The following MBP variants were observed in gnomAD, a reference collection of about 807,000 sequenced individuals.
MBP encodes Golli-MBP.
In MBP, 16 loss-of-function variants were observed where a neutral mutation model predicts 35.8. That is an observed-to-expected ratio of 0.45 (90% confidence interval 0.30 to 0.68). MBP has a LOEUF of 0.68. Ranked by LOEUF, MBP falls within the 30% of genes least tolerant of loss-of-function variation. The pLI is 0.08. For synonymous variants in MBP, 143 were observed against 159.6 expected (o/e 0.90, Z 0.78); for missense variants, 380 against 404.7 (o/e 0.94, Z 0.52).
At position 76,988,886 on chromosome 18, in the gene MBP, C is replaced by G. The variant is rs751411918; in HGVS notation, c.708G>C (p.Ser236=). 6.2e-7 allele frequency: 1 copy of G among 1,613,698 alleles called. No homozygotes were observed. The highest frequency in any genetic ancestry group is 8.5e-7 in the Non-Finnish European group (1 of 1,179,768). The change falls in exon 6 of 9, where the codon TCG becomes TCC. Residue 236 remains serine (S), a synonymous_variant. Coordinates refer to ENST00000355994, the MANE Select transcript of MBP (RefSeq NM_001025101.2). The surrounding 1 kb of genome is among the most constrained non-coding windows in gnomAD (Gnocchi z 5.2). ...NIVTPRTPPP[S]QGKGRGLSLS... is the part of the protein sequence containing the mutation. ...CATTCCAAGGTCTTACCTTTCCCTG[C>G]GACGGGGGTGGTGTGCGAGGCGTCA...
chr18:77,058,564 C>T (rs894196449), intron 3 of MBP, among the ~76,000 whole-genome samples: 2 of 152,240 alleles, frequency 1.3e-5, no homozygotes, highest in Non-Finnish European at 2.9e-5. Context: ...CCCGCCCCCG[C>T]GTGCAGAATC....
At chr18:77,090,463 A>G (rs777426995) in intron 2 of MBP, among the ~76,000 whole-genome samples, 12 of 152,000 alleles carry the variant, frequency 7.9e-5, no homozygotes, top group Non-Finnish European at 1.8e-4. Flanking sequence ...TTCCATACAC[A>G]CCAATCCAAT....
rs772448729 is a variant in MBP, at chr18:77,036,922, A to AG, written c.140-19655dup. 1.4e-3 allele frequency among the ~76,000 whole-genome samples: 83 copies of AG among 59,926 alleles called. 15 individuals are homozygous for AG. The highest frequency in any genetic ancestry group is 6.3e-3 in the East Asian group (6 of 946). The allele number at this position is 59,926 out of a possible 152,430, so 39.3% of individuals were successfully genotyped here. On this transcript the variant is annotated intron_variant, in intron 3 of 8. Transcript: ENST00000355994. ...TGAGCAAGTGCTGGTCACATTTTGG[A>AG]GACTGAGCTGAGCAAGTGCTGGTCA...
At chr18:77,023,799 C>T (rs796241356) in intron 3 of MBP, among the ~76,000 whole-genome samples, 44 of 152,312 alleles carry the variant, frequency 2.9e-4, no homozygotes, top group African/African-American at 9.4e-4. Context: ...TCTCCGAGTG[C>T]GTCTTACCCT....
rs574621670 is a variant in MBP, at chr18:77,049,215, G to A, written c.139+17083C>T. Among the ~76,000 whole-genome samples, 7 of 148,894 alleles carry A rather than the reference G, an allele frequency of 4.7e-5. No individual in the cohort carries two copies. The South Asian group carries it at 1.1e-3, about 23-fold the overall frequency. On this transcript the variant is annotated intron_variant, in intron 3 of 8. Transcript: ENST00000355994. ...ATTACAGGTGTGAGCCACCGCACCC[G>A]GCCGAGGGCAGGGTTTTTAATCTGT...
intron 4 of MBP, among the ~76,000 whole-genome samples, chr18:76,991,192 A>G (rs998538965): frequency 2.5e-4 from 37 of 148,126 alleles, no homozygotes; most frequent in African/African-American, 9.2e-4. Flanking sequence ...CTGATTTGGG[A>G]ATATCACTTC....
At chr18:77,092,912 T>A (rs1975595437) in intron 2 of MBP, among the ~76,000 whole-genome samples, 1 of 152,202 alleles carries the variant, frequency 6.6e-6, no homozygotes, top group Non-Finnish European at 1.5e-5. Context: ...CGCGTGCGTA[T>A]TTCGCTGTTT....
intron 2 of MBP, among the ~76,000 whole-genome samples, chr18:77,097,979 C>G (rs1422726035): frequency 2.0e-5 from 3 of 152,048 alleles, no homozygotes; most frequent in African/African-American, 7.2e-5. Context: ...GGGAAGGACA[C>G]CCCTGTCTCT....
intron 2 of MBP, among the ~76,000 whole-genome samples, chr18:77,089,936 C>T (rs1975434279): frequency 6.6e-6 from 1 of 152,136 alleles, no homozygotes; most frequent in Non-Finnish European, 1.5e-5. Context: ...CATCTGTGTC[C>T]CTGGCTGTGA....
intron 2 of MBP, 136 bp from the exon 3 acceptor site, chr18:77,066,521 G>C (rs566349903): frequency 1.3e-6 from 1 of 786,190 alleles, no homozygotes; most frequent in East Asian, 2.4e-5. Context: ...ATAGAATATA[G>C]AGCCTTGGTT....
chr18:77,013,934 G>A (rs1161293090), intron 4 of MBP: 4 of 985,328 alleles, frequency 4.1e-6, no homozygotes, highest in Non-Finnish European at 4.8e-6. Flanking sequence ...TCAGATATGA[G>A]CACTGGCACA....
intron 1 of MBP, among the ~76,000 whole-genome samples, chr18:77,105,697 C>T (rs1976251832): frequency 1.3e-5 from 2 of 152,222 alleles, no homozygotes; most frequent in South Asian, 4.1e-4. Flanking sequence ...CAGAAAGGTG[C>T]TGACACTCTT....
chr18:77,058,409 C>G (rs1388234689), intron 3 of MBP, among the ~76,000 whole-genome samples: 1 of 152,210 alleles, frequency 6.6e-6, no homozygotes, highest in Non-Finnish European at 1.5e-5. Context: ...CCGGACCCAG[C>G]CAACGCCCCG....
intron 1 of MBP, among the ~76,000 whole-genome samples, chr18:77,122,525 T>C (rs916435657): frequency 3.3e-5 from 5 of 152,150 alleles, no homozygotes; most frequent in Admixed American, 2.6e-4. Context: ...AACGTTACAC[T>C]GTATTTTGTT....
chr18:77,110,401 A>G (rs1976409488), intron 1 of MBP: 2 of 151,850 alleles, frequency 1.3e-5, no homozygotes, highest in African/African-American at 2.4e-5. Context: ...ACTACAGGTG[A>G]TTTGTGTTCG....
chr18:77,063,633 C>G (rs1029256485), intron 3 of MBP, among the ~76,000 whole-genome samples: 5 of 152,160 alleles, frequency 3.3e-5, no homozygotes, highest in African/African-American at 1.2e-4. Context: ...ACACAACAGG[C>G]AGAAGTATTG....
intron 3 of MBP, among the ~76,000 whole-genome samples, chr18:77,019,452 C>A (rs1205065172): frequency 6.8e-6 from 1 of 147,876 alleles, no homozygotes; most frequent in African/African-American, 2.5e-5. Context: ...AGGGGGGCAT[C>A]TACAAACCTC....
chr18:77,013,872 C>T (rs773035681), intron 4 of MBP: 133 of 985,308 alleles, frequency 1.3e-4, no homozygotes, highest in African/African-American at 1.6e-4. Context: ...AAGGAAGGAA[C>T]GGTTTCCAAA....
intron 3 of MBP, among the ~76,000 whole-genome samples, chr18:77,053,283 C>G (rs1033482612): frequency 1.3e-5 from 2 of 152,258 alleles, no homozygotes; most frequent in East Asian, 1.9e-4. Flanking sequence ...GGCAGGGGCC[C>G]CACTGCAGGT....
Sources: gnomAD v4.1 joint callset for allele counts (sites outside exome capture counted in the v4.1 genomes callset) on GRCh38, gnomAD v4.1.1 for gene constraint, Gnocchi (gnomAD v3.1) non-coding constraint, MANE v1.5 for transcripts, NCBI Gene and HGNC (gene_info 2026-07-23, HGNC 2026-07-21) for gene names.